Variants in BAZ2B observed in about 807,000 individuals in gnomAD.
BAZ2B encodes bromodomain adjacent to zinc finger domain protein 2B.
In BAZ2B, 91 loss-of-function variants were observed where a neutral mutation model predicts 246.0. That is an observed-to-expected ratio of 0.37 (90% confidence interval 0.31 to 0.44). The LOEUF (loss-of-function observed/expected upper bound fraction) is 0.44. BAZ2B is among the 20% of genes least tolerant of loss of function. The pLI is 1.00. For synonymous variants in BAZ2B, 855 were observed against 860.0 expected (o/e 0.99, Z 0.10); for missense variants, 2,332 against 2,533.7 (o/e 0.92, Z 1.71).
At chr2:159,398,766 G>A in intron 18 of BAZ2B, 63 bp downstream of exon 18, 2 of 1,418,812 alleles carry the variant, frequency 1.4e-6, no homozygotes, top group Non-Finnish European at 1.9e-6. Context: ...TATAACTGAT[G>A]CCAGTATAAC....
chr2:159,465,516 T>C (rs988723683), intron 3 of BAZ2B, among the ~76,000 whole-genome samples: 1 of 152,170 alleles, frequency 6.6e-6, no homozygotes, highest in Non-Finnish European at 1.5e-5. Context: ...AAATCCCAAA[T>C]TAAAACTACA....
chr2:159,442,193 G>A (rs1365350941), intron 6 of BAZ2B, among the ~76,000 whole-genome samples: 1 of 152,188 alleles, frequency 6.6e-6, no homozygotes, highest in Non-Finnish European at 1.5e-5. Flanking sequence ...ACATTTCTGA[G>A]CTGAGACCTA....
chr2:159,537,081 G>A (rs542085340), intron 2 of BAZ2B, among the ~76,000 whole-genome samples: 128 of 152,254 alleles, frequency 8.4e-4, no homozygotes, highest in African/African-American at 2.8e-3. Flanking sequence ...GCCTTAAAAC[G>A]AAAGGACATT....
intron 1 of BAZ2B, among the ~76,000 whole-genome samples, chr2:159,572,530 T>C (rs1684265982): frequency 6.6e-6 from 1 of 152,210 alleles, no homozygotes; most frequent in African/African-American, 2.4e-5. Context: ...CAATACTCAA[T>C]ACATTTATTT....
chr2:159,369,405 A>G (rs1006362071), intron 27 of BAZ2B, among the ~76,000 whole-genome samples: 3 of 152,150 alleles, frequency 2.0e-5, no homozygotes, highest in African/African-American at 7.2e-5. Context: ...TAACTACATC[A>G]TGTTACAGGT....
At chr2:159,566,041 C>T (rs1365026501) in intron 1 of BAZ2B, among the ~76,000 whole-genome samples, 2 of 151,990 alleles carry the variant, frequency 1.3e-5, no homozygotes, top group African/African-American at 4.8e-5. Context: ...GAAGGAGTTT[C>T]GCTCTTGTTG....
chr2:159,518,059 T>C (rs2083617892), intron 2 of BAZ2B, among the ~76,000 whole-genome samples: 1 of 152,200 alleles, frequency 6.6e-6, no homozygotes, highest in South Asian at 2.1e-4. Context: ...TAGCTTTGAG[T>C]ATGTAATTCA....
At chr2:159,460,739 T>G (rs940057445) in intron 3 of BAZ2B, 1 of 152,144 alleles carries the variant, frequency 6.6e-6, no homozygotes, top group Non-Finnish European at 1.5e-5. Flanking sequence ...CTGGCTCACA[T>G]ATTAAAATTC....
chr2:159,442,990 G>C (rs2073697443), intron 6 of BAZ2B, among the ~76,000 whole-genome samples: 2 of 152,200 alleles, frequency 1.3e-5, no homozygotes, highest in Non-Finnish European at 1.5e-5. Context: ...GCTGCTATGA[G>C]TATGGGTATA....
the BAZ2B span, among the ~76,000 whole-genome samples, chr2:159,680,851 G>C: frequency 3.9e-5 from 6 of 152,104 alleles, no homozygotes; most frequent in Non-Finnish European, 7.3e-5. Context: ...AGTTATATTG[G>C]CCCAGCAGAC....
At chr2:159,620,648 AAAC>A (rs1321948135), upstream of BAZ2B, among the ~76,000 whole-genome samples, 4 of 152,270 alleles carry the variant, frequency 2.6e-5, no homozygotes, top group Admixed American at 6.5e-5. Flanking sequence ...TAAGTGAAAG[AAAC>A]AACAAGTGTA....
Position 159,386,574 on chromosome 2 carries a change from C to A in BAZ2B, c.3250G>T (p.Val1084Phe), listed in dbSNP as rs1383701803. The A allele has an allele frequency of 1.2e-6, 2 of 1,612,644 alleles. No individual in the cohort carries two copies. Among genetic ancestry groups the A allele is most frequent in the South Asian group, 2.2e-5 (2 of 90,858 alleles). ...LPELPRIPGL[V>F]LSGSTFSDCL... ...TCTGAAAATGTACTTCCAGAGAGAA[C>A]AAGTCCTGGAATACGAGGCAACTCT... Residue 1084 changes from valine to phenylalanine, a missense_variant, in exon 22 of 37, where the codon GTT becomes TTT. This residue lies in a region of BAZ2B where 328 missense variants were observed against 410.4 expected (regional missense o/e 0.80). Coordinates refer to ENST00000392783, the MANE Select transcript of BAZ2B (RefSeq NM_013450.4).
At chr2:159,601,244 C>G (rs367986246) in intron 1 of BAZ2B, among the ~76,000 whole-genome samples, 1 of 152,150 alleles carries the variant, frequency 6.6e-6, no homozygotes, top group Non-Finnish European at 1.5e-5. Flanking sequence ...AAAAAAACCC[C>G]TTCAACAACA....
intron 1 of BAZ2B, among the ~76,000 whole-genome samples, chr2:159,590,269 CAAAAAAA>C (rs34798154): frequency 4.3e-5 from 3 of 69,318 alleles, no homozygotes; most frequent in Non-Finnish European, 5.5e-5. Flanking sequence ...ATCTTCCACT[CAAAAAAA>C]AAAAAAAAAA....
intron 21 of BAZ2B, among the ~76,000 whole-genome samples, chr2:159,386,919 T>A (rs918684724): frequency 6.6e-6 from 1 of 152,084 alleles, no homozygotes; most frequent in East Asian, 1.9e-4. Context: ...AACTGACATA[T>A]CCATATTAAC....
rs115897415 is a variant in BAZ2B at position 159,436,146 on chromosome 2, T to C, written c.1293+2157A>G. ...AACATAATTATGTCATGTAATAATT[T>C]TGTAATCTTTTTTTATAGGTAGTAA... On this transcript the variant is annotated intron_variant, in intron 8 of 36. Coordinates refer to ENST00000392783, the MANE Select transcript of BAZ2B (RefSeq NM_013450.4). Among the ~76,000 whole-genome samples, 637 of 152,300 alleles carry C rather than the reference T, an allele frequency of 4.2e-3. 5 individuals are homozygous for C. Among genetic ancestry groups the C allele is most frequent in the African/African-American group, 0.015 (608 of 41,556 alleles).
chr2:159,557,462 T>G (rs566098472), intron 1 of BAZ2B, among the ~76,000 whole-genome samples: 1 of 152,166 alleles, frequency 6.6e-6, no homozygotes, highest in South Asian at 2.1e-4. Flanking sequence ...TTCTACCATG[T>G]TCCAGTCACA....
intron 2 of BAZ2B, among the ~76,000 whole-genome samples, chr2:159,536,061 C>T (rs1322809197): frequency 1.3e-5 from 2 of 152,190 alleles, no homozygotes; most frequent in East Asian, 1.9e-4. Flanking sequence ...TTGCTGAACA[C>T]ATGAGCAACT....
intron 34 of BAZ2B, among the ~76,000 whole-genome samples, chr2:159,329,101 A>T (rs1310576429): frequency 6.6e-6 from 1 of 151,162 alleles, no homozygotes; most frequent in African/African-American, 2.4e-5. Context: ...ACTGCACTCC[A>T]GCCTGGGCAA....
Sources: gnomAD v4.1 joint callset for allele counts (sites outside exome capture counted in the v4.1 genomes callset) on GRCh38, gnomAD v4.1.1 for gene constraint, gnomAD v4.1.1 regional missense constraint, MANE v1.5 for transcripts, NCBI Gene and HGNC (gene_info 2026-07-23, HGNC 2026-07-21) for gene names.